Variants in SLC9B1 observed in about 807,000 individuals in gnomAD.
SLC9B1 encodes the protein sodium/hydrogen exchanger 9B1.
In SLC9B1, 32 loss-of-function variants were observed where a neutral mutation model predicts 51.7. The observed-to-expected ratio is 0.62, with a 90% CI of 0.47 to 0.83. The LOEUF is 0.83. Among genes scored for constraint, SLC9B1 ranks in the 40% least tolerant of loss-of-function variants. The probability of loss-of-function intolerance (pLI) is 0.00; values close to 1 mark genes in which losing one functional copy is unlikely to be tolerated. For missense variants in SLC9B1, 406 were observed against 613.2 expected, an observed-to-expected ratio of 0.66 and a Z score of 3.57; for synonymous variants, 145 against 212.7, an observed-to-expected ratio of 0.68 and a Z score of 2.77.
intron 9 of SLC9B1, among the ~76,000 whole-genome samples, chr4:102,908,762 C>A (rs1735186700): frequency 6.6e-6 from 1 of 152,228 alleles, no homozygotes; most frequent in Admixed American, 6.5e-5. Context: ...CTTTCATACA[C>A]CAGACACCAT....
intron 3 of SLC9B1, among the ~76,000 whole-genome samples, chr4:102,986,239 T>C (rs1739612809): frequency 7.3e-6 from 1 of 137,774 alleles, no homozygotes; most frequent in South Asian, 2.3e-4. Context: ...GATACAGAAT[T>C]CTAAGGCTGG....
chr4:102,994,442 G>A (rs1034512454), intron 1 of SLC9B1, among the ~76,000 whole-genome samples: 2 of 152,128 alleles, frequency 1.3e-5, no homozygotes, highest in East Asian at 1.9e-4. Context: ...TTTGGTCAAA[G>A]CCATTCAACA....
At chr4:103,011,655 A>G (rs969661039) in intron 1 of SLC9B1, among the ~76,000 whole-genome samples, 1 of 152,168 alleles carries the variant, frequency 6.6e-6, no homozygotes, top group Non-Finnish European at 1.5e-5. Flanking sequence ...GGAGATAGCC[A>G]TGACTACAGA....
chr4:102,960,220 T>C (rs1176188122), intron 3 of SLC9B1, among the ~76,000 whole-genome samples: 2 of 151,748 alleles, frequency 1.3e-5, no homozygotes, highest in Admixed American at 6.6e-5. Context: ...TATATGTTTA[T>C]TTAGAAGTAT....
intron 6 of SLC9B1, among the ~76,000 whole-genome samples, chr4:102,934,434 T>C (rs1736614740): frequency 6.6e-6 from 1 of 152,222 alleles, no homozygotes; most frequent in African/African-American, 2.4e-5. Flanking sequence ...TAACTATTTA[T>C]GTGGAAAGGA....
chr4:102,960,458 T>C (rs927026996), intron 3 of SLC9B1, among the ~76,000 whole-genome samples: 5 of 152,058 alleles, frequency 3.3e-5, no homozygotes, highest in Admixed American at 1.3e-4. Flanking sequence ...GTGAGTTATA[T>C]TGAAGAATTA....
chr4:102,991,577 T>C, intron 2 of SLC9B1, 66 bp downstream of exon 2: 2 of 1,104,708 alleles, frequency 1.8e-6, no homozygotes, highest in Non-Finnish European at 2.5e-6. Context: ...ATAAGTAAAT[T>C]AGGAATAAAT....
intron 6 of SLC9B1, 46 bp from the exon 7 acceptor site, chr4:102,932,345 AGTAGT>A: frequency 6.6e-7 from 1 of 1,521,572 alleles, no homozygotes; most frequent in East Asian, 2.3e-5. Flanking sequence ...TTTTAAATCA[AGTAGT>A]GTTTTATAAG....
chr4:102,924,623 C>T (rs1578351053), intron 7 of SLC9B1, among the ~76,000 whole-genome samples: 1 of 152,088 alleles, frequency 6.6e-6, no homozygotes, highest in Non-Finnish European at 1.5e-5. Context: ...AACAGACAAC[C>T]TACAGAATGG....
chr4:102,909,466 G>A (rs549850301), intron 9 of SLC9B1, among the ~76,000 whole-genome samples: 39 of 152,062 alleles, frequency 2.6e-4, no homozygotes, highest in Non-Finnish European at 7.4e-5. Context: ...TGCTGGGTGT[G>A]GTGGTGTGCG....
At chr4:103,004,009 A>T (rs140730917) in intron 1 of SLC9B1, among the ~76,000 whole-genome samples, 2,142 of 152,332 alleles carry the variant, frequency 0.014, 17 homozygotes, top group Middle Eastern at 0.024. Context: ...AATAACCAGC[A>T]CAAGAACTCT....
intron 7 of SLC9B1, among the ~76,000 whole-genome samples, chr4:102,924,860 A>T (rs1471740910): frequency 1.3e-5 from 2 of 152,228 alleles, no homozygotes; most frequent in East Asian, 3.8e-4. Flanking sequence ...ATGAGATACC[A>T]TCTCACACCA....
Position 102,989,861 on chromosome 4 carries a change from TG to T in SLC9B1, c.149del (p.Thr50LysfsTer11), listed in dbSNP as rs775954574. On this transcript the variant is annotated frameshift_variant, in exon 3 of 12. Coordinates refer to ENST00000296422, the MANE Select transcript of SLC9B1 (RefSeq NM_139173.4). ...LSDTEEIKPQ[T>X]KKETYISCPL... ...GACAAGAAATGTATGTCTCCTTTTT[TG>T]TCTGTGGTTTTATTTCTTCTGTATC... 4 of 1,603,884 alleles carry T rather than the reference TG, an allele frequency of 2.5e-6. No homozygotes were observed. In the Admixed American group the frequency reaches 6.7e-5, roughly 27 times the overall value.
chr4:102,950,555 G>A (rs1303199129), intron 3 of SLC9B1, among the ~76,000 whole-genome samples: 3 of 152,066 alleles, frequency 2.0e-5, no homozygotes, highest in Non-Finnish European at 4.4e-5. Context: ...ACCCCTTTCC[G>A]GCTGTATAGA....
chr4:102,919,144 C>T (rs997765108), intron 7 of SLC9B1, among the ~76,000 whole-genome samples: 3 of 152,164 alleles, frequency 2.0e-5, no homozygotes, highest in Non-Finnish European at 2.9e-5. Context: ...CTCTGACATA[C>T]CCTGGAGACA....
intron 3 of SLC9B1, among the ~76,000 whole-genome samples, chr4:102,957,194 G>A (rs1316430701): frequency 1.3e-5 from 2 of 152,126 alleles, no homozygotes; most frequent in Non-Finnish European, 2.9e-5. Flanking sequence ...ATACCATCAA[G>A]AGCACTAACA....
At chr4:102,988,296 T>C (rs1739765156) in intron 3 of SLC9B1, among the ~76,000 whole-genome samples, 1 of 152,150 alleles carries the variant, frequency 6.6e-6, no homozygotes, top group Admixed American at 6.6e-5. Flanking sequence ...ATTCCCCAAA[T>C]GAGGTATGCA....
At chr4:102,951,483 A>G (rs1737551693) in intron 3 of SLC9B1, among the ~76,000 whole-genome samples, 2 of 152,162 alleles carry the variant, frequency 1.3e-5, no homozygotes, top group African/African-American at 2.4e-5. Flanking sequence ...CAAAGGGACT[A>G]GAGACAATTT....
At chr4:102,922,335 A>C (rs1735921927) in intron 7 of SLC9B1, among the ~76,000 whole-genome samples, 1 of 152,246 alleles carries the variant, frequency 6.6e-6, no homozygotes, top group African/African-American at 2.4e-5. Flanking sequence ...AAATGAAGGC[A>C]GAAATAAAGA....
Sources: gnomAD v4.1 joint callset for allele counts (sites outside exome capture counted in the v4.1 genomes callset) on GRCh38, gnomAD v4.1.1 for gene constraint, MANE v1.5 for transcripts, NCBI Gene and HGNC (gene_info 2026-07-23, HGNC 2026-07-21) for gene names.